Variants in FAM32A observed in about 807,000 individuals in gnomAD.
FAM32A encodes the protein protein FAM32A.
In FAM32A, 9 loss-of-function variants were observed where a neutral mutation model predicts 15.8. That is an observed-to-expected ratio of 0.57 (90% confidence interval 0.34 to 1.00). The LOEUF is 1.00. Ranked by LOEUF, FAM32A falls within the 50% of genes least tolerant of loss-of-function variation. The pLI is 0.02. For missense variants in FAM32A, 113 were observed against 138.3 expected (o/e 0.82, Z 0.92); for synonymous variants, 64 against 54.9 (o/e 1.16, Z -0.73).
chr19:16,189,428 G>A (rs1388170725), intron 2 of FAM32A: 1 of 152,132 alleles, frequency 6.6e-6, no homozygotes, highest in African/African-American at 2.4e-5. Flanking sequence ...GGCTTCCAAG[G>A]GCACAAAGCT....
At chr19:16,190,762 T>G (rs1599445705) in intron 3 of FAM32A, 125 bp from the exon 4 acceptor site, 2 of 917,118 alleles carry the variant, frequency 2.2e-6, no homozygotes, top group Non-Finnish European at 3.6e-6. Context: ...CCTGGCAGGG[T>G]GAGTTTGAGA....
chr19:16,189,178 ACACCTG>A (rs1175207572), intron 2 of FAM32A: 1 of 151,934 alleles, frequency 6.6e-6, no homozygotes, highest in Admixed American at 6.6e-5. Context: ...GCATGCCACC[ACACCTG>A]GCTAATTTTT....
In FAM32A at chr19:16,185,672, G is replaced by A; in HGVS notation, c.123G>A (p.Met41Ile). The A allele has an allele frequency of 6.3e-7, 1 of 1,587,880 alleles. No individual in the cohort carries two copies. ...ACAAAGCGAAACTCCTGGAAGCAAT[G>A]GGAACGAGCAAAAAGAACGAGGAGG... is the stretch of plus-strand genomic sequence containing the variant. ...DKDKAKLLEA[M>I]GTSKKNEEEK... Residue 41 changes from methionine (M) to isoleucine (I), a missense_variant, in exon 2 of 4, where the codon ATG (methionine) becomes ATA (isoleucine). Met to Ile is a conservative substitution (Grantham distance 10). This residue lies in a region of FAM32A where 112 missense variants were observed against 118.6 expected (regional missense o/e 0.94). Transcript: ENST00000263384.
rs1242826796 is a variant in FAM32A at position 16,191,339 on chromosome 19, C to A, written c.*384C>A. 3.4e-6 allele frequency: 1 copy of A among 291,664 alleles called. No individual in the cohort carries two copies. The highest frequency in any genetic ancestry group is 9.5e-5 in the East Asian group (1 of 10,560). The allele number at this position is 291,664 out of a possible 1,614,324, so 18.1% of individuals were successfully genotyped here. Reference sequence around the variant, plus strand: ...CAGACTCCAGAGGGTAAGGAGCTAGCGCCATGGTGGCCTGCAGTATGCAGA... The same window carrying A: ...CAGACTCCAGAGGGTAAGGAGCTAGAGCCATGGTGGCCTGCAGTATGCAGA... On this transcript the variant is annotated 3_prime_UTR_variant, in exon 4 of 4. Coordinates refer to ENST00000263384, the MANE Select transcript of FAM32A (RefSeq NM_014077.4).
Position 16,190,809 on chromosome 19 carries a change from G to A in FAM32A, c.271-78G>A, listed in dbSNP as rs1023333678. ...AGGAGAGATAGGATGTGGGAGAGGT[G>A]GGGCTGGGCAGTGCCACTTCTCCCC... On this transcript the variant is annotated intron_variant, in intron 3 of 3. Transcript: ENST00000263384. 3.3e-6 allele frequency: 4 copies of A among 1,208,044 alleles called. No homozygotes were observed. The African/African-American group carries it at 4.5e-5, about 14-fold the overall frequency. The allele number at this position is 1,208,044 out of a possible 1,614,324, so 74.8% of individuals were successfully genotyped here.
intron 2 of FAM32A, 151 bp downstream of exon 2, chr19:16,185,916 G>A: frequency 1.0e-6 from 1 of 978,392 alleles, no homozygotes; most frequent in Non-Finnish European, 1.5e-6. Flanking sequence ...AGTGAGAGAA[G>A]AGTCGCCCTC....
In FAM32A at chr19:16,185,457, G is replaced by C; in HGVS notation, c.15G>C (p.Glu5Asp). ...TGGAGAGTGTCATGGAGGCCTACGA[G>C]CAGGTCCAAAAGGGACCCCTGAAGC... MEAY[E>D]QVQKGPLKLK... is the part of the protein sequence containing the mutation. The change falls in exon 1 of 4, where the codon GAG (glutamate) becomes GAC (aspartate). Residue 5 changes from glutamate (E) to aspartate (D), a missense_variant. Coordinates refer to ENST00000263384, the MANE Select transcript of FAM32A (RefSeq NM_014077.4). The C allele has an allele frequency of 6.4e-7, 1 of 1,559,334 alleles. No homozygotes were observed. The highest frequency in any genetic ancestry group is 1.9e-5 in the Admixed American group (1 of 51,842).
At chr19:16,187,160 C>T (rs1252976012) in intron 2 of FAM32A, among the ~76,000 whole-genome samples, 4 of 152,204 alleles carry the variant, frequency 2.6e-5, no homozygotes, top group East Asian at 3.9e-4. Flanking sequence ...CTGGGCAAGC[C>T]GGCTACCTAT....
rs2091382880 is a variant in FAM32A, at chr19:16,185,728, C to T, written c.179C>T (p.Pro60Leu). The change falls in exon 2 of 4, where the codon CCG (proline) becomes CTG (leucine). Residue 60 changes from proline (P) to leucine (L), a missense_variant. Coordinates refer to ENST00000263384, the MANE Select transcript of FAM32A (RefSeq NM_014077.4). The part of the protein sequence containing the change: ...EKRRGLDKRT[P>L]AQAAFEKMQE... ...CGGCGCGGCCTGGACAAGCGGACCC[C>T]GGCCCAGGCGGCCTTCGAGAAAATG... 1.9e-6 allele frequency: 3 copies of T among 1,554,150 alleles called. No homozygotes were observed. The highest frequency in any genetic ancestry group is 2.6e-6 in the Non-Finnish European group (3 of 1,147,920).
Position 16,185,495 on chromosome 19 carries a change from C to T in FAM32A, c.53C>T (p.Ala18Val), listed in dbSNP as rs1477280123. Residue 18 changes from alanine to valine, a missense_variant, in exon 1 of 4, where the codon GCA becomes GTA. Ala to Val is a moderately conservative substitution (Grantham distance 64). This residue lies in a region of FAM32A where 112 missense variants were observed against 118.6 expected (regional missense o/e 0.94). Transcript: ENST00000263384. ...GGACCCCTGAAGCTGAAAGGCGTCGCAGAGCTGGGAGTGACCAAGCGGTGA... is the reference window on the plus strand; with the variant it reads ...GGACCCCTGAAGCTGAAAGGCGTCGTAGAGCTGGGAGTGACCAAGCGGTGA... Reference protein sequence around the residue: ...QKGPLKLKGVAELGVTKRKKK... With the variant: ...QKGPLKLKGVVELGVTKRKKK... 3.2e-6 allele frequency: 5 copies of T among 1,564,894 alleles called. No individual in the cohort carries two copies. The highest frequency in any genetic ancestry group is 8.7e-7 in the Non-Finnish European group (1 of 1,154,198).
rs1294691991 is a variant in FAM32A, at chr19:16,191,971, G to C, written c.*1016G>C. The C allele has an allele frequency of 1.3e-5, 2 of 152,180 alleles. No individual in the cohort carries two copies. Among genetic ancestry groups the C allele is most frequent in the Non-Finnish European group, 2.9e-5 (2 of 68,044 alleles). 9.4% of individuals were successfully genotyped at this position (152,180 alleles called of 1,614,324 possible). On this transcript the variant is annotated 3_prime_UTR_variant, in exon 4 of 4. Coordinates refer to ENST00000263384, the MANE Select transcript of FAM32A (RefSeq NM_014077.4). ...AGATATTGAAAGAATAATGAAGGCAGAAGAGAAAAACGAAGTGTGGAATTT... is the reference window on the plus strand; with the variant it reads ...AGATATTGAAAGAATAATGAAGGCACAAGAGAAAAACGAAGTGTGGAATTT...
At chr19:16,188,751 C>T (rs1428903142) in intron 2 of FAM32A, among the ~76,000 whole-genome samples, 3 of 152,092 alleles carry the variant, frequency 2.0e-5, no homozygotes, top group East Asian at 1.9e-4. Context: ...GCAGGGCACT[C>T]GCCTTAGAGG....
At chr19:16,186,119 G>A (rs780741568) in intron 2 of FAM32A, among the ~76,000 whole-genome samples, 7 of 152,144 alleles carry the variant, frequency 4.6e-5, no homozygotes, top group Non-Finnish European at 1.0e-4. Context: ...TCTTCTGTAC[G>A]AGTCAGGGTA....
Position 16,187,647 on chromosome 19 carries a change from C to T in FAM32A, c.216+1882C>T, listed in dbSNP as rs1246065524. 5 of 151,068 alleles carry T rather than the reference C, an allele frequency of 3.3e-5. No individual in the cohort carries two copies. The East Asian group carries it at 9.9e-4, about 30-fold the overall frequency. The allele number at this position is 151,068 out of a possible 1,614,324, so 9.4% of individuals were successfully genotyped here. ...TGTATTTTTAGTAGAGATGGAGTTCCACCACGTTAGCCAGGCTGTTCTTGA... is the reference window on the plus strand; with the variant it reads ...TGTATTTTTAGTAGAGATGGAGTTCTACCACGTTAGCCAGGCTGTTCTTGA... On this transcript the variant is annotated intron_variant, in intron 2 of 3. Coordinates refer to ENST00000263384, the MANE Select transcript of FAM32A (RefSeq NM_014077.4).
intron 3 of FAM32A, among the ~76,000 whole-genome samples, 153 bp from the exon 4 acceptor site, chr19:16,190,734 G>A (rs574829708): frequency 9.2e-5 from 14 of 152,306 alleles, no homozygotes; most frequent in Non-Finnish European, 2.1e-4. Flanking sequence ...GGAGCCCAGG[G>A]TTCAGGAGTC....
intron 2 of FAM32A, 28 bp downstream of exon 2, chr19:16,185,793 G>A (rs1340932500): frequency 1.3e-6 from 2 of 1,542,826 alleles, no homozygotes; most frequent in East Asian, 2.4e-5. Context: ...GCGGCGGGGA[G>A]GCGGGAACAC....
chr19:16,190,960 C>T lies in FAM32A; in HGVS notation c.*5C>T. 2 of 1,613,028 alleles carry T rather than the reference C, an allele frequency of 1.2e-6. No individual in the cohort carries two copies. Among genetic ancestry groups the T allele is most frequent in the South Asian group, 2.2e-5 (2 of 91,064 alleles). On this transcript the variant is annotated 3_prime_UTR_variant, in exon 4 of 4. Coordinates refer to ENST00000263384, the MANE Select transcript of FAM32A (RefSeq NM_014077.4). ...AAAGTCAGCTGGACGAAGTAGCCGC[C>T]TGCCCCCAGTATGGAGCAGCATCGA...
At position 16,191,433 on chromosome 19, in the gene FAM32A, A is replaced by C. The variant is rs1336122956; in HGVS notation, c.*478A>C. 6 of 162,238 alleles carry C rather than the reference A, an allele frequency of 3.7e-5. No individual in the cohort carries two copies. Among genetic ancestry groups the C allele is most frequent in the African/African-American group, 1.2e-4 (5 of 41,694 alleles). 10.0% of individuals were successfully genotyped at this position (162,238 alleles called of 1,614,324 possible). ...GCTTTGGGCCTATGCTGTCCCCTGC[A>C]GGCCCTAGGGAAGCCACTTGCAACT... On this transcript the variant is annotated 3_prime_UTR_variant, in exon 4 of 4. Transcript: ENST00000263384.
chr19:16,186,781 A>T (rs951100299), intron 2 of FAM32A: 14 of 152,232 alleles, frequency 9.2e-5, no homozygotes, highest in African/African-American at 3.4e-4. Context: ...CCACCCCCCT[A>T]AACTCCCACC....
Sources: allele counts gnomAD v4.1 joint callset (sites outside exome capture counted in the v4.1 genomes callset), GRCh38; gene constraint gnomAD v4.1.1; regional missense constraint gnomAD v4.1.1; transcripts MANE v1.5; gene names NCBI Gene and HGNC (gene_info 2026-07-23, HGNC 2026-07-21).